PBXIP1: variants seen among roughly 807,000 people sequenced by gnomAD.
PBXIP1 encodes pre-B-cell leukemia transcription factor-interacting protein 1.
A neutral mutation model predicts 73.7 loss-of-function variants in PBXIP1; 73 were observed. That is an observed-to-expected ratio of 0.99 (90% CI 0.82 to 1.20). PBXIP1 has a LOEUF of 1.20. Among genes scored for constraint, PBXIP1 ranks in the 50% most tolerant of loss-of-function variants. The probability of loss-of-function intolerance (pLI) is 0.00; values close to 1 mark genes in which losing one functional copy is unlikely to be tolerated. For synonymous variants in PBXIP1, 330 were observed against 366.9 expected, an observed-to-expected ratio of 0.90 and a Z score of 1.15; for missense variants, 818 against 911.4, an observed-to-expected ratio of 0.90 and a Z score of 1.32.
intron 5 of PBXIP1, 157 bp from the exon 6 acceptor site, chr1:154,948,523 T>A: frequency 3.4e-6 from 2 of 592,014 alleles, no homozygotes; most frequent in Non-Finnish European, 5.9e-6. Context: ...CACTTCTGCC[T>A]GGGCATTGAT....
At chr1:154,945,381 C>A (rs1012793816) in intron 10 of PBXIP1, among the ~76,000 whole-genome samples, 191 bp downstream of exon 10, 1 of 152,174 alleles carries the variant, frequency 6.6e-6, no homozygotes, top group Non-Finnish European at 1.5e-5. Flanking sequence ...GGGGACTGCT[C>A]AGGACCACTC....
rs1654997358 is a variant in PBXIP1, at chr1:154,951,308, C to T, written c.333G>A (p.Val111=). The change falls in exon 5 of 11, where the codon GTG becomes GTA. Residue 111 remains valine (V), a synonymous_variant. Transcript: ENST00000368463. The surrounding 1 kb of genome is among the most constrained non-coding windows in gnomAD (Gnocchi z 4.3). The part of the protein sequence containing the change: ...VQGDLQETTV[V]TGLGPDTQDL... The stretch of plus-strand genomic sequence containing the variant: ...CCTGTGTGTCTGGTCCCAGGCCTGT[C>T]ACCACGGTGGTCTCCTGCAGGTCTC... 1.9e-6 allele frequency: 3 copies of T among 1,613,984 alleles called. No homozygotes were observed. The South Asian group carries it at 3.3e-5, about 18-fold the overall frequency.
chr1:154,945,647 C>T lies in PBXIP1; in HGVS notation c.2027G>A (p.Gly676Asp). ...SLEEVAVQQT[G>D]DDDEVDDFED... ...AAAGTCATCTACTTCATCATCATCACCTGTCTGTTGCACAGCCACCTCCTC... is the reference window on the plus strand; with the variant it reads ...AAAGTCATCTACTTCATCATCATCATCTGTCTGTTGCACAGCCACCTCCTC... Residue 676 changes from glycine (G) to aspartate (D), a missense_variant, in exon 10 of 11, where the codon GGT (glycine) becomes GAT (aspartate). Gly to Asp is a moderately conservative substitution (Grantham distance 94, BLOSUM62 -1). Coordinates refer to ENST00000368463, the MANE Select transcript of PBXIP1 (RefSeq NM_020524.4). 2 of 1,614,182 alleles carry T rather than the reference C, an allele frequency of 1.2e-6. No homozygotes were observed. Among genetic ancestry groups the T allele is most frequent in the Non-Finnish European group, 8.5e-7 (1 of 1,179,980 alleles).
intron 1 of PBXIP1, chr1:154,954,977 C>T (rs1001117725): frequency 2.0e-6 from 2 of 984,512 alleles, no homozygotes; most frequent in South Asian, 4.7e-5. Flanking sequence ...CCACATTATC[C>T]CCTTCTGTTT....
Position 154,946,208 on chromosome 1 carries a change from T to C in PBXIP1, c.1466A>G (p.His489Arg). Residue 489 changes from histidine to arginine, a missense_variant, in exon 10 of 11, where the codon CAC becomes CGC. By Grantham distance (29) the His-to-Arg change is conservative. Transcript: ENST00000368463. Reference protein sequence around the residue: ...WDGQRDRKAEHWKHKKEESGR... With the variant: ...WDGQRDRKAERWKHKKEESGR... ...AGATTCTTCCTTCTTATGTTTCCAG[T>C]GCTCAGCCTTCCGGTCTCTCTGCCC... The C allele has an allele frequency of 6.2e-7, 1 of 1,614,172 alleles. No individual in the cohort carries two copies. The highest frequency in any genetic ancestry group is 8.5e-7 in the Non-Finnish European group (1 of 1,180,036).
intron 5 of PBXIP1, among the ~76,000 whole-genome samples, chr1:154,950,792 A>G (rs1227033856): frequency 1.3e-5 from 2 of 152,240 alleles, no homozygotes; most frequent in Non-Finnish European, 2.9e-5. Context: ...CCCTGACTGA[A>G]TGGCCTCTCC....
intron 1 of PBXIP1, among the ~76,000 whole-genome samples, chr1:154,954,722 C>T (rs1019174733): frequency 6.6e-6 from 1 of 152,224 alleles, no homozygotes; most frequent in Non-Finnish European, 1.5e-5. Context: ...CAAAGCCTGA[C>T]TGACACAAAG....
At position 154,944,965 on chromosome 1, in the gene PBXIP1, AGAT is replaced by A; in HGVS notation, c.*56_*58del. 1 of 1,362,722 alleles carries A rather than the reference AGAT, an allele frequency of 7.3e-7. No individual in the cohort carries two copies. The allele number at this position is 1,362,722 out of a possible 1,614,324, so 84.4% of individuals were successfully genotyped here. On this transcript the variant is annotated 3_prime_UTR_variant, in exon 11 of 11. Transcript: ENST00000368463. ...GGACAGAGTCCACCCTCCAGGAGTT[AGAT>A]AACGCTGGGATCTTGGGCTGGGCCA... is the stretch of plus-strand genomic sequence containing the variant.
In PBXIP1 at chr1:154,948,117, C is replaced by G. The variant is rs191748657; in HGVS notation, c.643+16G>C. 2.2e-5 allele frequency: 35 copies of G among 1,572,662 alleles called. 1 individual carries two copies. The highest frequency in any genetic ancestry group is 2.9e-5 in the Non-Finnish European group (34 of 1,157,036). On this transcript the variant is annotated intron_variant, in intron 6 of 10. Coordinates refer to ENST00000368463, the MANE Select transcript of PBXIP1 (RefSeq NM_020524.4). ...GCATGGAAGCCCAAAGCCCCAGCCT[C>G]AGAGGTACCACTCACCTGAGAAGAG...
intron 1 of PBXIP1, chr1:154,955,055 G>T: frequency 1.6e-6 from 1 of 608,456 alleles, no homozygotes; most frequent in Non-Finnish European, 2.1e-6. Flanking sequence ...CAAGATCCAA[G>T]TCCTGGATAG....
At position 154,945,605 on chromosome 1, in the gene PBXIP1, CTGAAGA is replaced by C; in HGVS notation, c.2063_2068del (p.Ile688_Phe689del). The C allele has an allele frequency of 6.2e-7, 1 of 1,614,012 alleles. No homozygotes were observed. The highest frequency in any genetic ancestry group is 8.5e-7 in the Non-Finnish European group (1 of 1,179,868). ...CAGTGCTTTGTCTCCAAAGAAGTGG[CTGAAGA>C]TGAAGTCCTCAAAGTCATCTACTTC... On this transcript the variant is annotated inframe_deletion, in exon 10 of 11. Coordinates refer to ENST00000368463, the MANE Select transcript of PBXIP1 (RefSeq NM_020524.4).
Position 154,951,842 on chromosome 1 carries a change from G to A in PBXIP1, c.131C>T (p.Pro44Leu). ...TAATTCTTTCCCATCTGTCTTGGAG[G>A]GGCTGTGAGGGGCCTGCAGGGCTCT... ...SERALQAPHS[P>L]SKTDGKELAG... is the part of the protein sequence containing the mutation. The change falls in exon 3 of 11, where the codon CCC becomes CTC. Residue 44 changes from proline (P) to leucine (L), a missense_variant. Coordinates refer to ENST00000368463, the MANE Select transcript of PBXIP1 (RefSeq NM_020524.4). The surrounding 1 kb of genome is among the most constrained non-coding windows in gnomAD (Gnocchi z 4.3). 1 of 1,613,892 alleles carries A rather than the reference G, an allele frequency of 6.2e-7. No homozygotes were observed. The highest frequency in any genetic ancestry group is 8.5e-7 in the Non-Finnish European group (1 of 1,179,888).
Position 154,945,105 on chromosome 1 carries a change from C to T in PBXIP1, c.2115G>A (p.Lys705=). The change falls in exon 11 of 11, where the codon AAG becomes AAA. Residue 705 remains lysine, a synonymous_variant. Coordinates refer to ENST00000368463, the MANE Select transcript of PBXIP1 (RefSeq NM_020524.4). Reference sequence around the variant, plus strand: ...CTCTTGGGCTCTGTGAGTGCTTGTCCTTCTTCCCTGACCTGTGGGGAGGAA... The same window carrying T: ...CTCTTGGGCTCTGTGAGTGCTTGTCTTTCTTCCCTGACCTGTGGGGAGGAA... ...DKALKKRSGK[K]DKHSQSPRAA... 6.2e-7 allele frequency: 1 copy of T among 1,613,844 alleles called. No homozygotes were observed. The highest frequency in any genetic ancestry group is 8.5e-7 in the Non-Finnish European group (1 of 1,179,730).
At chr1:154,953,510 T>G (rs1655074762) in intron 2 of PBXIP1, among the ~76,000 whole-genome samples, 161 bp downstream of exon 2, 1 of 152,146 alleles carries the variant, frequency 6.6e-6, no homozygotes, top group South Asian at 2.1e-4. Context: ...CCCTGGGGCC[T>G]GATCTACTTC....
chr1:154,951,912 C>T lies in PBXIP1; in HGVS notation c.61G>A (p.Val21Met), dbSNP rs779089005. The change falls in exon 3 of 11, where the codon GTG (valine) becomes ATG (methionine). Residue 21 changes from valine to methionine, a missense_variant. Coordinates refer to ENST00000368463, the MANE Select transcript of PBXIP1 (RefSeq NM_020524.4). This position sits in a 1 kb window ranked among gnomAD's most constrained non-coding sequence, Gnocchi z 4.3. ...CTGGATGCCGGGCCCAGTGTCTCCACTGGCAGGCTCTGGGAGGAGAAGTGC... is the reference window on the plus strand; with the variant it reads ...CTGGATGCCGGGCCCAGTGTCTCCATTGGCAGGCTCTGGGAGGAGAAGTGC... The part of the protein sequence containing the change: ...WVLAGSESLP[V>M]ETLGPASRMD... The T allele has an allele frequency of 6.2e-7, 1 of 1,608,794 alleles. No homozygotes were observed. Among genetic ancestry groups the T allele is most frequent in the South Asian group, 1.1e-5 (1 of 90,628 alleles).
In PBXIP1 at chr1:154,946,527, G is replaced by T; in HGVS notation, c.1147C>A (p.Gln383Lys). ...GCCTCAGCCTCCAGCTGTTCCTTCT[G>T]CTTCAGGAAGCTGAGTTCTGGCTCC... ...EQEPELSFLK[Q>K]KEQLEAEAQA... The change falls in exon 10 of 11, where the codon CAG becomes AAG. Residue 383 changes from glutamine to lysine, a missense_variant. Physicochemically the swap from Gln to Lys is moderately conservative, Grantham distance 53. Transcript: ENST00000368463. The T allele has an allele frequency of 6.2e-7, 1 of 1,611,170 alleles. No individual in the cohort carries two copies.
At chr1:154,952,769 A>G (rs1037114400) in intron 2 of PBXIP1, among the ~76,000 whole-genome samples, 4 of 152,160 alleles carry the variant, frequency 2.6e-5, no homozygotes, top group Non-Finnish European at 5.9e-5. Flanking sequence ...ACAGGAGGCC[A>G]GGGCTCTGAG....
chr1:154,951,651 T>C lies in PBXIP1; in HGVS notation c.179-116A>G. On this transcript the variant is annotated intron_variant, in intron 3 of 10. Coordinates refer to ENST00000368463, the MANE Select transcript of PBXIP1 (RefSeq NM_020524.4). The surrounding 1 kb of genome is among the most constrained non-coding windows in gnomAD (Gnocchi z 4.3). ...TGGAAGAGGCAGGAAAAAGCCAGGA[T>C]GGAATGAGAAAAGGAGTTTGTCAAC... is the stretch of plus-strand genomic sequence containing the variant. The C allele has an allele frequency of 7.1e-7, 1 of 1,411,622 alleles. No homozygotes were observed. The highest frequency in any genetic ancestry group is 1.0e-6 in the Non-Finnish European group (1 of 1,003,128). The allele number at this position is 1,411,622 out of a possible 1,614,324, so 87.4% of individuals were successfully genotyped here. A position where few individuals can be genotyped will look rare whatever the true frequency, so the allele number is the denominator to read the frequency against.
At position 154,953,803 on chromosome 1, in the gene PBXIP1, G is replaced by C. The variant is rs1655088761; in HGVS notation, c.-36-46C>G. 3.1e-6 allele frequency: 4 copies of C among 1,275,194 alleles called. No individual in the cohort carries two copies. In the South Asian group the frequency reaches 5.0e-5, roughly 16 times the overall value. The allele number at this position is 1,275,194 out of a possible 1,614,324, so 79.0% of individuals were successfully genotyped here. A position where few individuals can be genotyped will look rare whatever the true frequency, so the allele number is the denominator to read the frequency against. On this transcript the variant is annotated intron_variant, in intron 1 of 10. Transcript: ENST00000368463. Reference sequence around the variant, plus strand: ...AAGGATGGGAGCTCCCTTCAGGAGGGGCAGAATGCAGAAAGCAGCCTTGGC... The same window carrying C: ...AAGGATGGGAGCTCCCTTCAGGAGGCGCAGAATGCAGAAAGCAGCCTTGGC...
Sources: gnomAD v4.1 joint callset for allele counts (sites outside exome capture counted in the v4.1 genomes callset) on GRCh38, gnomAD v4.1.1 for gene constraint, Gnocchi (gnomAD v3.1) non-coding constraint, MANE v1.5 for transcripts, NCBI Gene and HGNC (gene_info 2026-07-23, HGNC 2026-07-21) for gene names.